NCALD: variants seen among roughly 807,000 people sequenced by gnomAD.
The protein encoded by NCALD is neurocalcin delta.
NCALD carries 10 observed loss-of-function variants against 18.6 expected under a neutral mutation model. That is an observed-to-expected ratio of 0.54 (90% CI 0.33 to 0.91). NCALD has a LOEUF of 0.91. Ranked by LOEUF, NCALD falls within the 40% of genes least tolerant of loss-of-function variation. The pLI is 0.03. For missense variants in NCALD, 184 were observed against 247.6 expected (o/e 0.74, Z 1.72); for synonymous variants, 88 against 87.4 (o/e 1.01, Z -0.04).
chr8:101,934,533 G>GAT (rs1419946986), intron 2 of NCALD, among the ~76,000 whole-genome samples: 5 of 152,114 alleles, frequency 3.3e-5, no homozygotes, highest in African/African-American at 7.2e-5. Flanking sequence ...AGAAAAAGAG[G>GAT]AAAGTCTAGA....
chr8:101,806,288 T>A (rs1278511456), intron 4 of NCALD, among the ~76,000 whole-genome samples: 5 of 151,936 alleles, frequency 3.3e-5, no homozygotes, highest in African/African-American at 1.2e-4. Flanking sequence ...CAGCTTTTAA[T>A]GAAAAGTCAT....
At chr8:101,899,113 A>T (rs1298888879) in intron 3 of NCALD, among the ~76,000 whole-genome samples, 1 of 151,394 alleles carries the variant, frequency 6.6e-6, no homozygotes, top group East Asian at 1.9e-4. Flanking sequence ...TAAATGTTTC[A>T]TTAGATATAC....
chr8:101,987,458 A>G (rs1361125958), intron 2 of NCALD, among the ~76,000 whole-genome samples: 1 of 152,200 alleles, frequency 6.6e-6, no homozygotes, highest in African/African-American at 2.4e-5. Context: ...TGATTTGAGC[A>G]CTGCATCGTG....
At chr8:102,023,770 G>C (rs1286030338) in intron 1 of NCALD, among the ~76,000 whole-genome samples, 1 of 152,176 alleles carries the variant, frequency 6.6e-6, no homozygotes. Context: ...CAGCCAACCA[G>C]GGCTCTAGTC....
In NCALD at chr8:101,818,092, G is replaced by T. The variant is rs1004592979; in HGVS notation, c.-20+69049C>A. On this transcript the variant is annotated intron_variant, in intron 4 of 6. Transcript: ENST00000311028. Reference sequence around the variant, plus strand: ...TTGCCCTGGGAAGTATTTGGGCTCAGAAATATATTCTTTAAAATGTCAACA... The same window carrying T: ...TTGCCCTGGGAAGTATTTGGGCTCATAAATATATTCTTTAAAATGTCAACA... Among the ~76,000 whole-genome samples, 92 of 152,106 alleles carry T rather than the reference G, an allele frequency of 6.0e-4. 1 individual carries two copies. Among genetic ancestry groups the T allele is most frequent in the African/African-American group, 2.2e-3 (90 of 41,406 alleles).
chr8:101,983,006 T>C (rs1820680298), intron 2 of NCALD, among the ~76,000 whole-genome samples: 1 of 152,154 alleles, frequency 6.6e-6, no homozygotes, highest in Non-Finnish European at 1.5e-5. Context: ...CCACTGAGTA[T>C]GCAGAGTCTA....
chr8:101,713,251 A>C (rs1815896129), intron 2 of NCALD, among the ~76,000 whole-genome samples: 1 of 152,258 alleles, frequency 6.6e-6, no homozygotes, highest in Non-Finnish European at 1.5e-5. Flanking sequence ...ACAATATATC[A>C]GAATCTCTGG....
chr8:101,818,813 T>A (rs1335381242), intron 4 of NCALD, among the ~76,000 whole-genome samples: 1 of 152,124 alleles, frequency 6.6e-6, no homozygotes, highest in Non-Finnish European at 1.5e-5. Context: ...CAAGACCAAC[T>A]GGTTAACATG....
At chr8:101,699,071 T>C (rs1451460223) in intron 2 of NCALD, among the ~76,000 whole-genome samples, 3 of 36,450 alleles carry the variant, frequency 8.2e-5, no homozygotes, top group African/African-American at 4.1e-4. Flanking sequence ...ACTTAAACAA[T>C]TTTACAGGAA....
chr8:101,963,921 G>GA (rs1033606752), intron 2 of NCALD, among the ~76,000 whole-genome samples: 7 of 151,796 alleles, frequency 4.6e-5, no homozygotes, highest in Non-Finnish European at 8.8e-5. Flanking sequence ...TACTTCCACT[G>GA]AAAAAAAATC....
At chr8:102,049,609 A>C (rs1214942856) in intron 1 of NCALD, among the ~76,000 whole-genome samples, 1 of 152,174 alleles carries the variant, frequency 6.6e-6, no homozygotes, top group Non-Finnish European at 1.5e-5. Flanking sequence ...TTTGTAAGAA[A>C]CAAGCATCCT....
chr8:101,869,499 T>C (rs529684), intron 4 of NCALD, among the ~76,000 whole-genome samples: 39,604 of 152,008 alleles, frequency 0.26, 5,553 homozygotes, highest in East Asian at 0.36. Flanking sequence ...AGATAATAAA[T>C]TGGCATGGTT....
intron 1 of NCALD, among the ~76,000 whole-genome samples, chr8:102,048,924 G>T (rs1054966730): frequency 6.6e-6 from 1 of 152,164 alleles, no homozygotes; most frequent in Non-Finnish European, 1.5e-5. Flanking sequence ...TAAACTTGTG[G>T]TAGTGGGAGA....
intron 2 of NCALD, among the ~76,000 whole-genome samples, chr8:101,980,375 C>T (rs1820574492): frequency 6.6e-6 from 1 of 152,166 alleles, no homozygotes; most frequent in South Asian, 2.1e-4. Context: ...AGAACTATGT[C>T]ACAGTTAAGC....
intron 4 of NCALD, among the ~76,000 whole-genome samples, chr8:101,886,462 C>T (rs1351308492): frequency 1.1e-4 from 17 of 152,134 alleles, no homozygotes; most frequent in Non-Finnish European, 2.9e-5. Context: ...TATGACTTTG[C>T]CTGCAATTCT....
At chr8:101,861,295 C>A (rs1403657630) in intron 4 of NCALD, among the ~76,000 whole-genome samples, 1 of 151,972 alleles carries the variant, frequency 6.6e-6, no homozygotes, top group Non-Finnish European at 1.5e-5. Context: ...CTGAGAGATA[C>A]CTGGACCACG....
chr8:102,117,813 G>A (rs1362874142), intron 1 of NCALD, among the ~76,000 whole-genome samples: 1 of 152,148 alleles, frequency 6.6e-6, no homozygotes, highest in East Asian at 1.9e-4. Context: ...CCTATTGACA[G>A]CCAAGCCAAG....
At chr8:102,061,232 G>A (rs1269693) in intron 1 of NCALD, among the ~76,000 whole-genome samples, 86,424 of 152,098 alleles carry the variant, frequency 0.57, 24,773 homozygotes, top group Non-Finnish European at 0.62. Flanking sequence ...TCTGAGAACT[G>A]CAGACACCCA....
At chr8:102,016,704 T>C (rs1822094975) in intron 2 of NCALD, among the ~76,000 whole-genome samples, 1 of 152,148 alleles carries the variant, frequency 6.6e-6, no homozygotes, top group Admixed American at 6.6e-5. Flanking sequence ...ATATCAACAA[T>C]CTTACAGAAG....
Sources: gnomAD v4.1 joint callset for allele counts (sites outside exome capture counted in the v4.1 genomes callset) on GRCh38, gnomAD v4.1.1 for gene constraint, MANE v1.5 for transcripts, NCBI Gene and HGNC (gene_info 2026-07-23, HGNC 2026-07-21) for gene names.